VPS35L: variants seen among roughly 807,000 people sequenced by gnomAD.
VPS35L encodes the protein VPS35 endosomal protein-sorting factor-like.
A neutral mutation model predicts 133.0 loss-of-function variants in VPS35L; 83 were observed. That is an observed-to-expected ratio of 0.62 (90% confidence interval 0.52 to 0.75). The LOEUF is 0.75. VPS35L is among the 30% of genes least tolerant of loss of function. VPS35L has a pLI of 0.00. For synonymous variants in VPS35L, 423 were observed against 449.9 expected (o/e 0.94, Z 0.76); for missense variants, 1,083 against 1,206.8 (o/e 0.90, Z 1.52).
chr16:19,614,567 C>T (rs569709306), intron 12 of VPS35L, among the ~76,000 whole-genome samples: 102 of 152,228 alleles, frequency 6.7e-4, no homozygotes, highest in Middle Eastern at 3.2e-3. Context: ...TGCGCCACCA[C>T]ACCCGGCTAA....
intron 26 of VPS35L, among the ~76,000 whole-genome samples, chr16:19,666,947 TCTTC>T (rs1362694160): frequency 1.6e-5 from 2 of 122,472 alleles, no homozygotes; most frequent in African/African-American, 6.6e-5. Flanking sequence ...TTTCTTCCTT[TCTTC>T]CTTTCTTCCT....
chr16:19,673,746 C>T (rs1974954297), intron 27 of VPS35L, among the ~76,000 whole-genome samples: 1 of 152,152 alleles, frequency 6.6e-6, no homozygotes, highest in Non-Finnish European at 1.5e-5. Flanking sequence ...CATTAATACT[C>T]ACTTCCTGGG....
chr16:19,681,363 C>T (rs1373967940), intron 27 of VPS35L, among the ~76,000 whole-genome samples: 1 of 152,224 alleles, frequency 6.6e-6, no homozygotes, highest in Non-Finnish European at 1.5e-5. Context: ...GGCCTCTTGC[C>T]GCTGCAGGTT....
chr16:19,697,251 G>A (rs1260533953), intron 29 of VPS35L, among the ~76,000 whole-genome samples: 3 of 152,198 alleles, frequency 2.0e-5, no homozygotes, highest in Non-Finnish European at 2.9e-5. Flanking sequence ...TGCCAAGGCA[G>A]GCTCAATTTT....
At chr16:19,694,625 G>A (rs1008612048) in intron 29 of VPS35L, among the ~76,000 whole-genome samples, 9 of 152,096 alleles carry the variant, frequency 5.9e-5, no homozygotes, top group South Asian at 4.1e-4. Flanking sequence ...AAGTAGCTGG[G>A]ACTACAGGCA....
At position 19,575,081 on chromosome 16, in the gene VPS35L, AT is replaced by A. The variant is rs1567392428; in HGVS notation, c.409-13del. 1.3e-6 allele frequency: 2 copies of A among 1,593,094 alleles called. No individual in the cohort carries two copies. The highest frequency in any genetic ancestry group is 1.7e-6 in the Non-Finnish European group (2 of 1,167,252). On this transcript the variant is annotated splice_polypyrimidine_tract_variant and intron_variant, in intron 4 of 30. Transcript: ENST00000417362. ...CCTTCGATTTTTAAAATATTAATGA[AT>A]TTTATGTCTCTGCAGAATCTGTTTA...
intron 1 of VPS35L, among the ~76,000 whole-genome samples, chr16:19,560,474 C>G (rs1004320797): frequency 3.9e-4 from 59 of 152,294 alleles, no homozygotes; most frequent in Admixed American, 1.5e-3. Context: ...TTTCAACATT[C>G]TACTTTTCTT....
chr16:19,629,871 T>C, intron 18 of VPS35L, 51 bp downstream of exon 18: 4 of 1,551,806 alleles, frequency 2.6e-6, no homozygotes, highest in Non-Finnish European at 3.6e-6. Context: ...TTTTCATGTT[T>C]ATAATAGTGA....
chr16:19,648,769 G>A (rs1384007582), intron 24 of VPS35L, among the ~76,000 whole-genome samples: 1 of 151,240 alleles, frequency 6.6e-6, no homozygotes, highest in African/African-American at 2.4e-5. Flanking sequence ...TTGGGAGTCT[G>A]AGGCAGAAGA....
intron 27 of VPS35L, among the ~76,000 whole-genome samples, chr16:19,673,607 A>T (rs1439248823): frequency 6.6e-6 from 1 of 152,078 alleles, no homozygotes; most frequent in African/African-American, 2.4e-5. Context: ...TTATTCCTTG[A>T]ACAGATTTGA....
chr16:19,631,293 A>G (rs527284803), intron 18 of VPS35L, among the ~76,000 whole-genome samples: 4 of 152,306 alleles, frequency 2.6e-5, no homozygotes, highest in Middle Eastern at 3.4e-3. Flanking sequence ...GAATTTTCAC[A>G]AGGTATGACC....
intron 29 of VPS35L, among the ~76,000 whole-genome samples, chr16:19,696,029 GGC>G (rs1975896281): frequency 6.6e-6 from 1 of 152,072 alleles, no homozygotes; most frequent in South Asian, 2.1e-4. Flanking sequence ...TGGGACTACA[GGC>G]GCGTGCCACC....
chr16:19,600,957 T>C (rs1226682976), intron 8 of VPS35L, among the ~76,000 whole-genome samples: 1 of 152,192 alleles, frequency 6.6e-6, no homozygotes, highest in African/African-American at 2.4e-5. Context: ...TGAGACAGGG[T>C]CTTGCTCTCT....
At position 19,633,311 on chromosome 16, in the gene VPS35L, GC is replaced by G. The variant is rs201126310; in HGVS notation, c.1635+142del. On this transcript the variant is annotated intron_variant, in intron 19 of 30. Transcript: ENST00000417362. This position sits in a 1 kb window ranked among gnomAD's most constrained non-coding sequence, Gnocchi z 4.1. ...TAGCTCTGCCATATCCTAGCCATGT[GC>G]CCTTTGATCAGTTACTTAACCTTGT... 15 of 800,286 alleles carry G rather than the reference GC, an allele frequency of 1.9e-5. No individual in the cohort carries two copies. In the East Asian group the frequency reaches 3.5e-4, roughly 19 times the overall value. 49.6% of individuals were successfully genotyped at this position (800,286 alleles called of 1,614,324 possible). A position where few individuals can be genotyped will look rare whatever the true frequency, so the allele number is the denominator to read the frequency against.
intron 14 of VPS35L, among the ~76,000 whole-genome samples, chr16:19,625,355 G>A (rs1973228657): frequency 6.6e-6 from 1 of 152,192 alleles, no homozygotes; most frequent in Non-Finnish European, 1.5e-5. Flanking sequence ...TGGGCACTAA[G>A]CTCTAGCCCA....
Position 19,626,359 on chromosome 16 carries a change from G to A in VPS35L, c.1271+136G>A, listed in dbSNP as rs1181032885. 2.6e-5 allele frequency: 19 copies of A among 742,520 alleles called. 1 individual carries two copies. The highest frequency in any genetic ancestry group is 1.4e-4 in the South Asian group (9 of 63,090). 46.0% of individuals were successfully genotyped at this position (742,520 alleles called of 1,614,324 possible). On this transcript the variant is annotated intron_variant, in intron 15 of 30. Coordinates refer to ENST00000417362, the MANE Select transcript of VPS35L (RefSeq NM_020314.7). Reference sequence around the variant, plus strand: ...ATGGAGGTTTAGAATGCTGGAGTCCGGTTGCCTGGCCTCAGACCTTGGCTC... The same window carrying A: ...ATGGAGGTTTAGAATGCTGGAGTCCAGTTGCCTGGCCTCAGACCTTGGCTC...
intron 12 of VPS35L, among the ~76,000 whole-genome samples, chr16:19,615,110 G>A (rs1336979679): frequency 2.0e-5 from 3 of 152,158 alleles, no homozygotes; most frequent in Non-Finnish European, 2.9e-5. Flanking sequence ...ACTTTCTCAC[G>A]TACCGTAATC....
chr16:19,556,463 G>T (rs1970860534), intron 1 of VPS35L, among the ~76,000 whole-genome samples: 1 of 152,214 alleles, frequency 6.6e-6, no homozygotes, highest in South Asian at 2.1e-4. Context: ...TGTGGTTGGA[G>T]TAGCTAGGAA....
chr16:19,637,761 G>A, intron 20 of VPS35L, 105 bp downstream of exon 20: 1 of 756,296 alleles, frequency 1.3e-6, no homozygotes. Flanking sequence ...GAAATATTCA[G>A]CAGTTCCTTT....
Sources: allele counts gnomAD v4.1 joint callset (sites outside exome capture counted in the v4.1 genomes callset), GRCh38; gene constraint gnomAD v4.1.1; non-coding constraint Gnocchi (gnomAD v3.1); transcripts MANE v1.5; gene names NCBI Gene and HGNC (gene_info 2026-07-23, HGNC 2026-07-21).